KCNQ1OT1: variants seen among roughly 807,000 people sequenced by gnomAD.
The protein encoded by KCNQ1OT1 is KCNQ1 opposite strand/antisense transcript 1.
rs1015453802 is a variant in KCNQ1OT1 at position 2,685,773 on chromosome 11, G to A, written n.14222C>T. On this transcript the variant is annotated non_coding_transcript_exon_variant, in exon 1 of 1. Coordinates refer to ENST00000597346, the Ensembl canonical transcript of KCNQ1OT1. ...GGCAGGCATCCTCCCAGGTGGCAGT[G>A]AGAAAGGGCCCTGCACAGTCAGCGT... is the stretch of plus-strand genomic sequence containing the variant. 2.0e-5 allele frequency: 8 copies of A among 398,672 alleles called. No individual in the cohort carries two copies. The East Asian group carries it at 2.8e-4, about 14-fold the overall frequency. 24.7% of individuals were successfully genotyped at this position (398,672 alleles called of 1,614,324 possible). A position where few individuals can be genotyped will look rare whatever the true frequency, so the allele number is the denominator to read the frequency against.
chr11:2,642,317 AG>A lies in KCNQ1OT1; in HGVS notation n.57677del. The A allele has an allele frequency of 2.5e-6, 1 of 398,114 alleles. No homozygotes were observed. Among genetic ancestry groups the A allele is most frequent in the Non-Finnish European group, 4.4e-6 (1 of 225,826 alleles). The allele number at this position is 398,114 out of a possible 1,614,324, so 24.7% of individuals were successfully genotyped here. A position where few individuals can be genotyped will look rare whatever the true frequency, so the allele number is the denominator to read the frequency against. On this transcript the variant is annotated non_coding_transcript_exon_variant, in exon 1 of 1. Transcript: ENST00000597346. The surrounding 1 kb of genome is among the most constrained non-coding windows in gnomAD (Gnocchi z 4.3). ...AGACTTTTGTAGTTTTCCTTGTTAG[AG>A]GTTTCTCACCTCTTTGGTTAAACTC...
At chr11:2,643,638 A>G (rs1272815094) in exon 1 of KCNQ1OT1, 2 of 398,350 alleles carry the variant, frequency 5.0e-6, no homozygotes, top group Non-Finnish European at 8.8e-6. Flanking sequence ...AGTTTAATCT[A>G]TTTATATGCA....
exon 1 of KCNQ1OT1, chr11:2,692,536 G>A (rs1297072878): frequency 2.5e-6 from 1 of 398,668 alleles, no homozygotes; most frequent in Non-Finnish European, 4.4e-6. Flanking sequence ...TACCACCAGA[G>A]GGCCCTTGGC....
chr11:2,690,905 T>C lies in KCNQ1OT1; in HGVS notation n.9090A>G, dbSNP rs940624651. The stretch of plus-strand genomic sequence containing the variant: ...CACTGTTTCCGTCTGGGTTTTGTCA[T>C]GTGTAGGTCCCAGCGGCTTTAAGCC... On this transcript the variant is annotated non_coding_transcript_exon_variant, in exon 1 of 1. Coordinates refer to ENST00000597346, the Ensembl canonical transcript of KCNQ1OT1. This position sits in a 1 kb window ranked among gnomAD's most constrained non-coding sequence, Gnocchi z 5.1. 15 of 398,468 alleles carry C rather than the reference T, an allele frequency of 3.8e-5. No homozygotes were observed. The highest frequency in any genetic ancestry group is 4.4e-6 in the Non-Finnish European group (1 of 226,058). The allele number at this position is 398,468 out of a possible 1,614,324, so 24.7% of individuals were successfully genotyped here. A position where few individuals can be genotyped will look rare whatever the true frequency, so the allele number is the denominator to read the frequency against.
chr11:2,665,126 G>A (rs920185809), exon 1 of KCNQ1OT1: 10 of 398,472 alleles, frequency 2.5e-5, no homozygotes, highest in Admixed American at 1.3e-4. Context: ...CAGCCTATAG[G>A]TGGGCCCTAC....
chr11:2,681,049 TG>T (rs1157292920), exon 1 of KCNQ1OT1: 1 of 398,556 alleles, frequency 2.5e-6, no homozygotes, highest in Non-Finnish European at 4.4e-6. Context: ...TAGTGAAATG[TG>T]GGCTCCAAAA....
Position 2,670,779 on chromosome 11 carries a change from C to A in KCNQ1OT1, n.29216G>T. 1 of 398,540 alleles carries A rather than the reference C, an allele frequency of 2.5e-6. No homozygotes were observed. The highest frequency in any genetic ancestry group is 4.4e-6 in the Non-Finnish European group (1 of 226,060). The allele number at this position is 398,540 out of a possible 1,614,324, so 24.7% of individuals were successfully genotyped here. On this transcript the variant is annotated non_coding_transcript_exon_variant, in exon 1 of 1. Coordinates refer to ENST00000597346, the Ensembl canonical transcript of KCNQ1OT1. The surrounding 1 kb of genome is among the most constrained non-coding windows in gnomAD (Gnocchi z 4.9). ...CAGTGGCTCTTGTGGCTGCCCTCTGCAATAAGAATTCTTCAAGTTCAGCCT... is the reference window on the plus strand; with the variant it reads ...CAGTGGCTCTTGTGGCTGCCCTCTGAAATAAGAATTCTTCAAGTTCAGCCT...
Position 2,617,371 on chromosome 11 carries a change from T to G in KCNQ1OT1, n.82624A>C, listed in dbSNP as rs1849084236. ...GGCTTATTTAACTTAGCACAATGTC[T>G]TCCAGTTTCATCCATGTGGCAAGTG... On this transcript the variant is annotated non_coding_transcript_exon_variant, in exon 1 of 1. Coordinates refer to ENST00000597346, the Ensembl canonical transcript of KCNQ1OT1. This position sits in a 1 kb window ranked among gnomAD's most constrained non-coding sequence, Gnocchi z 4.6. 1 of 398,352 alleles carries G rather than the reference T, an allele frequency of 2.5e-6. No individual in the cohort carries two copies. The highest frequency in any genetic ancestry group is 1.3e-4 in the South Asian group (1 of 7,864). The allele number at this position is 398,352 out of a possible 1,614,324, so 24.7% of individuals were successfully genotyped here.
At chr11:2,630,061 A>G (rs1849328101) in exon 1 of KCNQ1OT1, 2 of 398,238 alleles carry the variant, frequency 5.0e-6, no homozygotes, top group East Asian at 7.1e-5. Flanking sequence ...GGCTATTCAT[A>G]TATGGCCTTT....
Position 2,677,235 on chromosome 11 carries a change from G to A in KCNQ1OT1, n.22760C>T. The A allele has an allele frequency of 7.5e-6, 3 of 398,394 alleles. No individual in the cohort carries two copies. The highest frequency in any genetic ancestry group is 1.3e-5 in the Non-Finnish European group (3 of 226,018). The allele number at this position is 398,394 out of a possible 1,614,324, so 24.7% of individuals were successfully genotyped here. A position where few individuals can be genotyped will look rare whatever the true frequency, so the allele number is the denominator to read the frequency against. On this transcript the variant is annotated non_coding_transcript_exon_variant, in exon 1 of 1. Transcript: ENST00000597346. The surrounding 1 kb of genome is among the most constrained non-coding windows in gnomAD (Gnocchi z 4.5). ...TCTTGTCAACCAAAGACAATATAAAGCACACACAAAGTAAAGAGGAACTTA... is the reference window on the plus strand; with the variant it reads ...TCTTGTCAACCAAAGACAATATAAAACACACACAAAGTAAAGAGGAACTTA...
At chr11:2,632,820 T>C in exon 1 of KCNQ1OT1, 1 of 398,468 alleles carries the variant, frequency 2.5e-6, no homozygotes, top group East Asian at 3.6e-5. Flanking sequence ...CTGCATCTGC[T>C]GATGGAGATT....
exon 1 of KCNQ1OT1, chr11:2,688,115 G>A (rs1850523071): frequency 7.5e-6 from 3 of 398,810 alleles, no homozygotes; most frequent in Non-Finnish European, 1.3e-5. Context: ...ACCTGGTGGG[G>A]GTGGGGATAC....
At chr11:2,662,171 G>A in exon 1 of KCNQ1OT1, 1 of 1,569,268 alleles carries the variant, frequency 6.4e-7, no homozygotes, top group Non-Finnish European at 8.7e-7. Flanking sequence ...TTGCTCTCTG[G>A]CCAGAGTGCT....
chr11:2,649,062 A>G, exon 1 of KCNQ1OT1: 1 of 379,614 alleles, frequency 2.6e-6, no homozygotes. Context: ...TTTGTGTGGA[A>G]TATCTTTTTC....
chr11:2,661,548 CA>C lies in KCNQ1OT1; in HGVS notation n.38446del. 1.9e-6 allele frequency: 1 copy of C among 516,022 alleles called. No individual in the cohort carries two copies. Among genetic ancestry groups the C allele is most frequent in the South Asian group, 3.6e-5 (1 of 27,798 alleles). The allele number at this position is 516,022 out of a possible 1,614,324, so 32.0% of individuals were successfully genotyped here. On this transcript the variant is annotated non_coding_transcript_exon_variant, in exon 1 of 1. Transcript: ENST00000597346. The surrounding 1 kb of genome is among the most constrained non-coding windows in gnomAD (Gnocchi z 5.9). ...CATCTTTCCTGACCCACTACTCTGT[CA>C]ATGTATGAGTGTGACAATGTATGGT...
chr11:2,661,836 A>C lies in KCNQ1OT1; in HGVS notation n.38159T>G, dbSNP rs2133855735. On this transcript the variant is annotated non_coding_transcript_exon_variant, in exon 1 of 1. Transcript: ENST00000597346. This position sits in a 1 kb window ranked among gnomAD's most constrained non-coding sequence, Gnocchi z 5.9. ...ACACCCAACTATAAAACTGATTGTC[A>C]GGGCTGGAGCTTCCAGGCACAAGCT... The C allele has an allele frequency of 8.0e-7, 1 of 1,245,166 alleles. No individual in the cohort carries two copies. Among genetic ancestry groups the C allele is most frequent in the African/African-American group, 1.5e-5 (1 of 66,806 alleles). The allele number at this position is 1,245,166 out of a possible 1,614,324, so 77.1% of individuals were successfully genotyped here.
exon 1 of KCNQ1OT1, chr11:2,689,956 G>A (rs1850561846): frequency 2.5e-6 from 1 of 398,702 alleles, no homozygotes; most frequent in Non-Finnish European, 4.4e-6. Context: ...ACAGTGACTA[G>A]CCTCAGAGCC....
Position 2,617,966 on chromosome 11 carries a change from T to G in KCNQ1OT1, n.82029A>C. On this transcript the variant is annotated non_coding_transcript_exon_variant, in exon 1 of 1. Coordinates refer to ENST00000597346, the Ensembl canonical transcript of KCNQ1OT1. This position sits in a 1 kb window ranked among gnomAD's most constrained non-coding sequence, Gnocchi z 4.6. ...ATAAGATATATGGTTGGCAAATATT[T>G]TCTTCTAGTCCATAGGTTGCCTTTT... 1 of 398,596 alleles carries G rather than the reference T, an allele frequency of 2.5e-6. No homozygotes were observed. Among genetic ancestry groups the G allele is most frequent in the Non-Finnish European group, 4.4e-6 (1 of 226,046 alleles). 24.7% of individuals were successfully genotyped at this position (398,596 alleles called of 1,614,324 possible).
exon 1 of KCNQ1OT1, chr11:2,692,205 T>C (rs2133893399): frequency 2.5e-6 from 1 of 398,882 alleles, no homozygotes; most frequent in East Asian, 3.6e-5. Context: ...TCATTTCCGA[T>C]ACACCCGCTT....
Sources: allele counts gnomAD v4.1 joint callset, GRCh38; gene constraint gnomAD v4.1.1; non-coding constraint Gnocchi (gnomAD v3.1); transcripts MANE v1.5; gene names NCBI Gene and HGNC (gene_info 2026-07-23, HGNC 2026-07-21).